Variants in COMMD10 observed in about 807,000 individuals in gnomAD.
The protein encoded by COMMD10 is COMM domain containing 10.
A neutral mutation model predicts 28.9 loss-of-function variants in COMMD10; 33 were observed. The ratio of observed to expected loss-of-function variants is 1.14; its 90% CI spans 0.87 to 1.53. The LOEUF (loss-of-function observed/expected upper bound fraction) is 1.53, where lower values mean the gene tolerates loss of function less well. Among genes scored for constraint, COMMD10 ranks in the 40% most tolerant of loss-of-function variants. The pLI is 0.00. For missense variants in COMMD10, 310 were observed against 233.4 expected (o/e 1.33, Z -2.14); for synonymous variants, 110 against 81.7 (o/e 1.35, Z -1.87).
At chr5:116,154,113 C>T (rs1006518560) in intron 5 of COMMD10, among the ~76,000 whole-genome samples, 1 of 152,068 alleles carries the variant, frequency 6.6e-6, no homozygotes, top group South Asian at 2.1e-4. Flanking sequence ...TTCCCAGCCA[C>T]CCAGCCTCAA....
At chr5:116,169,736 A>C (rs866243678) in intron 5 of COMMD10, among the ~76,000 whole-genome samples, 1 of 152,194 alleles carries the variant, frequency 6.6e-6, no homozygotes, top group Non-Finnish European at 1.5e-5. Flanking sequence ...AATGACAAAA[A>C]CCACATTATT....
chr5:116,112,796 A>G (rs186504173), intron 4 of COMMD10, among the ~76,000 whole-genome samples: 78 of 151,690 alleles, frequency 5.1e-4, no homozygotes, highest in East Asian at 2.1e-3. Context: ...TTCCTGTCAT[A>G]TTGTTTTTTT....
chr5:116,156,558 C>G (rs138420705), intron 5 of COMMD10, among the ~76,000 whole-genome samples: 1 of 152,054 alleles, frequency 6.6e-6, no homozygotes, highest in African/African-American at 2.4e-5. Context: ...CATTTTCGTT[C>G]TACTTCATAT....
intron 5 of COMMD10, among the ~76,000 whole-genome samples, chr5:116,280,941 G>A (rs810742): frequency 0.48 from 72,504 of 151,518 alleles, 19,559 homozygotes; most frequent in African/African-American, 0.73. Context: ...CTGTAACTAA[G>A]AAGAAAACTT....
At chr5:116,285,446 A>T (rs1408959410) in intron 5 of COMMD10, among the ~76,000 whole-genome samples, 1 of 151,798 alleles carries the variant, frequency 6.6e-6, no homozygotes, top group African/African-American at 2.4e-5. Context: ...GCCCTGGGCC[A>T]CCCCTTGGAA....
chr5:116,189,475 T>A (rs1289170885), intron 5 of COMMD10, among the ~76,000 whole-genome samples: 4 of 152,170 alleles, frequency 2.6e-5, no homozygotes. Flanking sequence ...CCTTCTTTAG[T>A]GCCATCTTGT....
At chr5:116,136,005 A>G (rs560335080) in intron 5 of COMMD10, among the ~76,000 whole-genome samples, 2 of 152,324 alleles carry the variant, frequency 1.3e-5, no homozygotes, top group African/African-American at 4.8e-5. Context: ...TCCAGTGCCC[A>G]GTATTACAGC....
At chr5:116,242,100 T>C (rs1478108899) in intron 5 of COMMD10, among the ~76,000 whole-genome samples, 1 of 152,168 alleles carries the variant, frequency 6.6e-6, no homozygotes, top group African/African-American at 2.4e-5. Context: ...ACTCTGAAGC[T>C]AACAGCTATG....
intron 5 of COMMD10, among the ~76,000 whole-genome samples, chr5:116,145,362 A>C (rs1198523001): frequency 2.0e-5 from 3 of 151,644 alleles, no homozygotes; most frequent in Admixed American, 6.6e-5. Flanking sequence ...GCACATGTGG[A>C]GTAGGTGGAT....
chr5:116,222,255 A>G (rs1261176029), intron 5 of COMMD10, among the ~76,000 whole-genome samples: 1 of 152,186 alleles, frequency 6.6e-6, no homozygotes, highest in Admixed American at 6.5e-5. Context: ...AATAAATAGT[A>G]AGGCAGTCTG....
intron 5 of COMMD10, among the ~76,000 whole-genome samples, chr5:116,244,660 C>CAAAAAAAAAAAAAAAAAAA (rs60360733): frequency 7.5e-5 from 6 of 79,478 alleles, no homozygotes; most frequent in Non-Finnish European, 1.2e-4. Flanking sequence ...AAAAAAATTA[C>CAAAAAAAAAAAAAAAAAAA]AAAAAAAAAA....
intron 5 of COMMD10, among the ~76,000 whole-genome samples, chr5:116,220,988 A>G (rs6859410): frequency 0.61 from 93,092 of 151,946 alleles, 31,649 homozygotes; most frequent in South Asian, 0.77. Flanking sequence ...ATTGTCCTAC[A>G]ATCACAAAGA....
intron 5 of COMMD10, among the ~76,000 whole-genome samples, chr5:116,166,886 A>G (rs1278978514): frequency 6.6e-6 from 1 of 152,154 alleles, no homozygotes; most frequent in Non-Finnish European, 1.5e-5. Flanking sequence ...CATGAAGATG[A>G]GGAAAAAAAC....
intron 5 of COMMD10, among the ~76,000 whole-genome samples, chr5:116,143,524 C>G (rs1355282605): frequency 6.6e-6 from 1 of 151,724 alleles, no homozygotes; most frequent in African/African-American, 2.4e-5. Context: ...CTTCACTTGT[C>G]TTTTCTAGCT....
At chr5:116,173,891 A>G (rs1753419310) in intron 5 of COMMD10, among the ~76,000 whole-genome samples, 1 of 149,344 alleles carries the variant, frequency 6.7e-6, no homozygotes, top group South Asian at 2.1e-4. Flanking sequence ...ATATAGTAAT[A>G]TGAATTCATT....
intron 5 of COMMD10, among the ~76,000 whole-genome samples, chr5:116,240,092 A>G (rs1159674595): frequency 6.6e-6 from 1 of 152,184 alleles, no homozygotes; most frequent in Non-Finnish European, 1.5e-5. Context: ...AAAATAGTAG[A>G]TCACTATGTG....
intron 4 of COMMD10, among the ~76,000 whole-genome samples, chr5:116,110,392 G>A (rs964291199): frequency 6.6e-6 from 1 of 152,146 alleles, no homozygotes; most frequent in African/African-American, 2.4e-5. Flanking sequence ...ATGAGTTAGG[G>A]AGAATTCCTT....
intron 5 of COMMD10, among the ~76,000 whole-genome samples, chr5:116,282,792 T>C (rs1470076193): frequency 6.6e-6 from 1 of 151,910 alleles, no homozygotes; most frequent in African/African-American, 2.4e-5. Flanking sequence ...GCCACCCTCA[T>C]TGACTACATT....
At chr5:116,288,973 C>T (rs1751292162) in intron 5 of COMMD10, among the ~76,000 whole-genome samples, 1 of 148,750 alleles carries the variant, frequency 6.7e-6, no homozygotes, top group East Asian at 2.0e-4. Flanking sequence ...CCTCTGCCTC[C>T]TGGGTTCAAG....
Sources: gnomAD v4.1 joint callset for allele counts (sites outside exome capture counted in the v4.1 genomes callset) on GRCh38, gnomAD v4.1.1 for gene constraint, MANE v1.5 for transcripts, NCBI Gene and HGNC (gene_info 2026-07-23, HGNC 2026-07-21) for gene names.